ALK: variants seen among roughly 807,000 people sequenced by gnomAD.
The protein encoded by ALK is ALK tyrosine kinase receptor.
ALK carries 74 observed loss-of-function variants against 163.1 expected under a neutral mutation model. That is an observed-to-expected ratio of 0.45 (90% CI 0.38 to 0.55). The LOEUF is 0.55. Among genes scored for constraint, ALK ranks in the 20% least tolerant of loss-of-function variants. ALK has a pLI of 0.00. For missense variants in ALK, 2,063 were observed against 2,105.3 expected, an observed-to-expected ratio of 0.98 and a Z score of 0.39; for synonymous variants, 960 against 843.2, an observed-to-expected ratio of 1.14 and a Z score of -2.40.
rs79265683 is a variant in ALK, at chr2:29,496,258, T to C, written c.1154+35657A>G. ...TTTGCTCATTGTTTATTACATCAGA[T>C]CCAAGCTTATTTGTCAAAATGTTAA... On this transcript the variant is annotated intron_variant, in intron 4 of 28. Coordinates refer to ENST00000389048, the MANE Select transcript of ALK (RefSeq NM_004304.5). Among the ~76,000 whole-genome samples, 1,369 of 152,366 alleles carry C rather than the reference T, an allele frequency of 9.0e-3. 12 individuals carry two copies. Among genetic ancestry groups the C allele is most frequent in the Non-Finnish European group, 0.012 (821 of 68,034 alleles).
At chr2:29,216,176 G>A (rs755763808) in intron 23 of ALK, among the ~76,000 whole-genome samples, 1 of 152,192 alleles carries the variant, frequency 6.6e-6, no homozygotes, top group Non-Finnish European at 1.5e-5. Context: ...CCCATCTGCC[G>A]CTGGAGTGCA....
At chr2:29,404,934 G>A (rs188913924) in intron 4 of ALK, among the ~76,000 whole-genome samples, 2 of 152,224 alleles carry the variant, frequency 1.3e-5, no homozygotes, top group African/African-American at 4.8e-5. Context: ...TTCTTGTAGG[G>A]GACGAATATG....
chr2:29,630,954 T>G (rs1458740469), intron 3 of ALK, among the ~76,000 whole-genome samples: 1 of 152,186 alleles, frequency 6.6e-6, no homozygotes, highest in Non-Finnish European at 1.5e-5. Context: ...GTGCTTAGGG[T>G]TCTTCAAGAA....
rs181887776 is a variant in ALK, at chr2:29,262,686, G to A, written c.2042-11419C>T. 1.8e-3 allele frequency among the ~76,000 whole-genome samples: 277 copies of A among 152,346 alleles called. 2 individuals are homozygous for A. Among genetic ancestry groups the A allele is most frequent in the African/African-American group, 6.1e-3 (253 of 41,572 alleles). ...ACCAGAGGCCCATCTCCCTCCCTGC[G>A]GAAGGCAGACACCCCTTCTTGGAGA... On this transcript the variant is annotated intron_variant, in intron 11 of 28. Transcript: ENST00000389048.
At chr2:29,527,952 C>T (rs928735634) in intron 4 of ALK, among the ~76,000 whole-genome samples, 4 of 152,162 alleles carry the variant, frequency 2.6e-5, no homozygotes, top group African/African-American at 9.7e-5. Context: ...GGTTGAGGTC[C>T]TGCAGAAAGG....
At chr2:29,640,230 A>T (rs1043788636) in intron 3 of ALK, among the ~76,000 whole-genome samples, 1 of 152,180 alleles carries the variant, frequency 6.6e-6, no homozygotes, top group Non-Finnish European at 1.5e-5. Flanking sequence ...TACAGTTTGT[A>T]TATTTGTCCC....
At chr2:29,900,977 G>T (rs1445534326) in intron 1 of ALK, among the ~76,000 whole-genome samples, 3 of 144,234 alleles carry the variant, frequency 2.1e-5, no homozygotes, top group East Asian at 3.9e-4. Context: ...AAGAAAGAAA[G>T]AAAGAGAGAG....
chr2:29,507,198 A>G (rs559191003), intron 4 of ALK, among the ~76,000 whole-genome samples: 1 of 152,378 alleles, frequency 6.6e-6, no homozygotes, highest in East Asian at 1.9e-4. Context: ...CAGCATTAAA[A>G]AAGGAAGAAA....
chr2:29,479,320 C>T (rs1553320494), intron 4 of ALK, among the ~76,000 whole-genome samples: 2 of 152,208 alleles, frequency 1.3e-5, no homozygotes, highest in Non-Finnish European at 2.9e-5. Context: ...AGTCTTTCTT[C>T]ATACACAGAT....
intron 4 of ALK, among the ~76,000 whole-genome samples, chr2:29,521,723 C>T (rs1162354018): frequency 6.6e-6 from 1 of 152,236 alleles, no homozygotes; most frequent in African/African-American, 2.4e-5. Context: ...GGTGTTTCCT[C>T]ACTCTTGGGC....
chr2:29,250,959 A>C (rs1175963515), intron 12 of ALK, 146 bp downstream of exon 12: 1 of 745,494 alleles, frequency 1.3e-6, no homozygotes. Flanking sequence ...CCCCATCTCC[A>C]ACCTTTATAC....
intron 8 of ALK, among the ~76,000 whole-genome samples, chr2:29,316,099 C>T (rs576137928): frequency 2.0e-5 from 3 of 152,222 alleles, no homozygotes; most frequent in Non-Finnish European, 2.9e-5. Context: ...TTAGCCCGCC[C>T]GGGAGGAGGA....
chr2:29,415,175 A>G (rs1182265066), intron 4 of ALK, among the ~76,000 whole-genome samples: 1 of 150,326 alleles, frequency 6.7e-6, no homozygotes, highest in Non-Finnish European at 1.5e-5. Flanking sequence ...ATGATTCATG[A>G]GGGATAATAC....
intron 1 of ALK, among the ~76,000 whole-genome samples, chr2:29,750,185 A>G (rs933089377): frequency 1.1e-4 from 16 of 152,236 alleles, no homozygotes; most frequent in African/African-American, 3.9e-4. Context: ...ATTTCATCAC[A>G]GTGTGAACAT....
Position 29,302,223 on chromosome 2 carries a change from A to G in ALK, c.1648-5166T>C, listed in dbSNP as rs571736742. Among the ~76,000 whole-genome samples the G allele has an allele frequency of 8.6e-4, 131 of 152,342 alleles. 1 individual carries two copies. The highest frequency in any genetic ancestry group is 1.6e-3 in the Non-Finnish European group (106 of 68,040). Reference sequence around the variant, plus strand: ...AGCTAGGAACAAATAGGAGAATTAAATAATTAACTTCCGGCCGGGTGCGGT... The same window carrying G: ...AGCTAGGAACAAATAGGAGAATTAAGTAATTAACTTCCGGCCGGGTGCGGT... On this transcript the variant is annotated intron_variant, in intron 8 of 28. Transcript: ENST00000389048.
chr2:29,344,041 G>A (rs1452106872), intron 5 of ALK, among the ~76,000 whole-genome samples: 2 of 151,942 alleles, frequency 1.3e-5, no homozygotes, highest in Non-Finnish European at 2.9e-5. Context: ...ATGCCCACAG[G>A]TCTTGGACTG....
chr2:29,589,356 G>A (rs890922752), intron 3 of ALK, among the ~76,000 whole-genome samples: 5 of 152,182 alleles, frequency 3.3e-5, no homozygotes, highest in African/African-American at 4.8e-5. Context: ...TGTGTGACCC[G>A]TGACAGGAGA....
chr2:29,875,516 T>C (rs1019060932), intron 1 of ALK, among the ~76,000 whole-genome samples: 2 of 152,172 alleles, frequency 1.3e-5, no homozygotes, highest in African/African-American at 4.8e-5. Flanking sequence ...GCTGCACCTA[T>C]CAACCCATCA....
intron 2 of ALK, among the ~76,000 whole-genome samples, chr2:29,702,344 C>A (rs553133544): frequency 6.6e-6 from 1 of 152,248 alleles, no homozygotes; most frequent in South Asian, 2.1e-4. Context: ...AGGAAAGGAC[C>A]TGGGCCCAGA....
Sources: allele counts gnomAD v4.1 joint callset (sites outside exome capture counted in the v4.1 genomes callset), GRCh38; gene constraint gnomAD v4.1.1; transcripts MANE v1.5; gene names NCBI Gene and HGNC (gene_info 2026-07-23, HGNC 2026-07-21).